TRAPPC9: variants seen among roughly 807,000 people sequenced by gnomAD.
The protein encoded by TRAPPC9 is trafficking protein particle complex subunit 9.
TRAPPC9 carries 83 observed loss-of-function variants against 124.0 expected under a neutral mutation model. The ratio of observed to expected loss-of-function variants is 0.67; its 90% confidence interval spans 0.56 to 0.80. TRAPPC9 has a LOEUF of 0.80. Ranked by LOEUF, TRAPPC9 falls within the 30% of genes least tolerant of loss-of-function variation. The pLI, the probability that TRAPPC9 is intolerant of heterozygous loss-of-function variation, is 0.00. For synonymous variants in TRAPPC9, 638 were observed against 617.5 expected, an observed-to-expected ratio of 1.03 and a Z score of -0.49; for missense variants, 1,302 against 1,508.3, an observed-to-expected ratio of 0.86 and a Z score of 2.27.
intron 17 of TRAPPC9, among the ~76,000 whole-genome samples, chr8:140,075,748 G>A (rs1434239619): frequency 4.6e-5 from 7 of 152,208 alleles, no homozygotes; most frequent in Admixed American, 4.6e-4. Context: ...CTTCACTGTA[G>A]AGGCATCCGA....
At chr8:140,292,050 G>C (rs1227130721) in intron 11 of TRAPPC9, among the ~76,000 whole-genome samples, 1 of 152,222 alleles carries the variant, frequency 6.6e-6, no homozygotes, top group Non-Finnish European at 1.5e-5. Flanking sequence ...TGAGGAAGCA[G>C]ATTTGTGTTG....
intron 19 of TRAPPC9, among the ~76,000 whole-genome samples, chr8:139,915,577 A>G: frequency 6.6e-6 from 1 of 152,196 alleles, no homozygotes; most frequent in African/African-American, 2.4e-5. Context: ...TAAGGACTTC[A>G]TGCTGAGGAC....
intron 19 of TRAPPC9, among the ~76,000 whole-genome samples, chr8:139,915,080 G>A (rs1373802184): frequency 6.6e-6 from 1 of 152,252 alleles, no homozygotes; most frequent in Non-Finnish European, 1.5e-5. Context: ...GCGCAGAACT[G>A]ACGGCGAAGG....
chr8:139,839,635 C>T (rs187267572), intron 21 of TRAPPC9, among the ~76,000 whole-genome samples: 110 of 152,338 alleles, frequency 7.2e-4, no homozygotes, highest in African/African-American at 2.5e-3. Context: ...TCCCCGAAAG[C>T]GGATGCTCAT....
chr8:140,319,711 AC>A (rs2066542809), intron 9 of TRAPPC9, among the ~76,000 whole-genome samples: 1 of 146,474 alleles, frequency 6.8e-6, no homozygotes, highest in Non-Finnish European at 1.5e-5. Flanking sequence ...CAAGTGATCC[AC>A]CCACCTCGGC....
At chr8:140,090,517 C>T (rs1344424945) in intron 17 of TRAPPC9, among the ~76,000 whole-genome samples, 1 of 152,230 alleles carries the variant, frequency 6.6e-6, no homozygotes, top group Non-Finnish European at 1.5e-5. Flanking sequence ...TGGCGTATTA[C>T]CAAGAACCAG....
At chr8:140,003,652 C>T (rs896746031) in intron 18 of TRAPPC9, among the ~76,000 whole-genome samples, 2 of 149,036 alleles carry the variant, frequency 1.3e-5, no homozygotes, top group Non-Finnish European at 3.0e-5. Flanking sequence ...GAAGATATCA[C>T]TATATGCCTA....
intron 20 of TRAPPC9, among the ~76,000 whole-genome samples, chr8:139,909,682 T>C (rs546847517): frequency 1.3e-5 from 2 of 152,378 alleles, no homozygotes; most frequent in East Asian, 1.9e-4. Flanking sequence ...TGTGAAACAC[T>C]GTGTTATAGC....
rs771160879 is a variant in TRAPPC9, at chr8:140,019,997, TA to T, written c.2699+3939del. Among the ~76,000 whole-genome samples, 299 of 150,626 alleles carry T rather than the reference TA, an allele frequency of 2.0e-3. 1 individual carries two copies. Among genetic ancestry groups the T allele is most frequent in the Non-Finnish European group, 3.6e-3 (243 of 67,964 alleles). On this transcript the variant is annotated intron_variant, in intron 18 of 22. Transcript: ENST00000438773. ...ATAGGGATGTCCCATCACACCCGGC[TA>T]ATTTTTTTTAATGTTTTGTATGTTT...
At chr8:139,870,242 C>G (rs901898933) in intron 21 of TRAPPC9, among the ~76,000 whole-genome samples, 8 of 152,170 alleles carry the variant, frequency 5.3e-5, no homozygotes, top group African/African-American at 1.9e-4. Context: ...CCATGCCGCA[C>G]TCACCTTAGT....
At chr8:140,344,797 G>A (rs938602101) in intron 9 of TRAPPC9, among the ~76,000 whole-genome samples, 1 of 152,104 alleles carries the variant, frequency 6.6e-6, no homozygotes, top group African/African-American at 2.4e-5. Flanking sequence ...GGTGGACCTG[G>A]GAGGCCTCCA....
intron 20 of TRAPPC9, among the ~76,000 whole-genome samples, chr8:139,892,669 G>T (rs559391300): frequency 6.6e-6 from 1 of 152,160 alleles, no homozygotes; most frequent in Non-Finnish European, 1.5e-5. Flanking sequence ...GGCTCCTAAG[G>T]TTGCCCCAGC....
chr8:140,311,128 T>C, intron 10 of TRAPPC9, 120 bp downstream of exon 10: 7 of 1,230,340 alleles, frequency 5.7e-6, no homozygotes, highest in Non-Finnish European at 8.1e-6. Flanking sequence ...AATGAGATAA[T>C]GAACCCGATA....
Position 140,203,601 on chromosome 8 carries a change from A to C in TRAPPC9, c.2556+17858T>G, listed in dbSNP as rs550492416. On this transcript the variant is annotated intron_variant, in intron 17 of 22. Coordinates refer to ENST00000438773, the MANE Select transcript of TRAPPC9 (RefSeq NM_001160372.4). Reference sequence around the variant, plus strand: ...ATGAATGGCAAGTTTCCTAGCAGGAAGTAAGATGTGAAAATCGGTGCTTGC... The same window carrying C: ...ATGAATGGCAAGTTTCCTAGCAGGACGTAAGATGTGAAAATCGGTGCTTGC... Among the ~76,000 whole-genome samples the C allele has an allele frequency of 2.0e-5, 3 of 151,946 alleles. No individual in the cohort carries two copies. The South Asian group carries it at 6.3e-4, about 32-fold the overall frequency.
rs1029031539 is a variant in TRAPPC9, at chr8:140,353,464, G to T, written c.1495+6586C>A. Reference sequence around the variant, plus strand: ...GCCTACATATGGTTGAACCTTACTCGCTCACCTGGGGCTTTTGATCCCAGT... The same window carrying T: ...GCCTACATATGGTTGAACCTTACTCTCTCACCTGGGGCTTTTGATCCCAGT... On this transcript the variant is annotated intron_variant, in intron 9 of 22. Coordinates refer to ENST00000438773, the MANE Select transcript of TRAPPC9 (RefSeq NM_001160372.4). The surrounding 1 kb of genome is among the most constrained non-coding windows in gnomAD (Gnocchi z 4.2). Among the ~76,000 whole-genome samples the T allele has an allele frequency of 6.6e-6, 1 of 152,102 alleles. No homozygotes were observed. Among genetic ancestry groups the T allele is most frequent in the Non-Finnish European group, 1.5e-5 (1 of 68,028 alleles).
chr8:140,090,552 G>C (rs934563555), intron 17 of TRAPPC9, among the ~76,000 whole-genome samples: 3 of 152,250 alleles, frequency 2.0e-5, no homozygotes, highest in African/African-American at 7.2e-5. Context: ...GGTCACCCGG[G>C]AGACCAGGGG....
intron 21 of TRAPPC9, among the ~76,000 whole-genome samples, chr8:139,875,221 C>A (rs545179887): frequency 1.3e-5 from 2 of 152,242 alleles, no homozygotes; most frequent in South Asian, 4.2e-4. Context: ...ACAGGCCCTG[C>A]ATCCAGGCTG....
chr8:140,128,174 C>T (rs998217705), intron 17 of TRAPPC9, among the ~76,000 whole-genome samples: 2 of 152,246 alleles, frequency 1.3e-5, no homozygotes, highest in African/African-American at 4.8e-5. Context: ...TCCTGTGGCT[C>T]TTTAGTTGCA....
At chr8:140,075,157 A>G (rs919999259) in intron 17 of TRAPPC9, among the ~76,000 whole-genome samples, 4 of 151,706 alleles carry the variant, frequency 2.6e-5, no homozygotes, top group Admixed American at 2.0e-4. Flanking sequence ...GTGACTCCAG[A>G]AAAACACCAC....
Sources: allele counts gnomAD v4.1 joint callset (sites outside exome capture counted in the v4.1 genomes callset), GRCh38; gene constraint gnomAD v4.1.1; non-coding constraint Gnocchi (gnomAD v3.1); transcripts MANE v1.5; gene names NCBI Gene and HGNC (gene_info 2026-07-23, HGNC 2026-07-21).